NCAM2: variants seen among roughly 807,000 people sequenced by gnomAD.
The protein encoded by NCAM2 is N-CAM-2.
Under a neutral mutation model 98.1 loss-of-function variants are expected in NCAM2, and 30 were observed. That is an observed-to-expected ratio of 0.31 (90% CI 0.23 to 0.41). NCAM2 has a LOEUF of 0.41. NCAM2 is among the 10% of genes least tolerant of loss of function. The pLI is 1.00. For missense variants in NCAM2, 867 were observed against 1,005.8 expected, an observed-to-expected ratio of 0.86 and a Z score of 1.87; for synonymous variants, 368 against 342.4, an observed-to-expected ratio of 1.07 and a Z score of -0.83.
At chr21:21,218,698 A>T (rs1345497194) in intron 1 of NCAM2, among the ~76,000 whole-genome samples, 1 of 152,170 alleles carries the variant, frequency 6.6e-6, no homozygotes, top group Non-Finnish European at 1.5e-5. Flanking sequence ...GCAATAAGTG[A>T]AATCTCTCCT....
At chr21:21,306,604 G>A (rs1415281709) in intron 5 of NCAM2, among the ~76,000 whole-genome samples, 2 of 152,052 alleles carry the variant, frequency 1.3e-5, no homozygotes, top group Non-Finnish European at 2.9e-5. Flanking sequence ...GGGTACATGA[G>A]ATTTTCTGAT....
At chr21:21,477,226 T>G in intron 14 of NCAM2, 65 bp from the exon 15 acceptor site, 1 of 1,271,842 alleles carries the variant, frequency 7.9e-7, no homozygotes, top group Admixed American at 2.5e-5. Context: ...CCAATATAAT[T>G]TTTTTAAAAA....
Position 21,235,546 on chromosome 21 carries a change from G to T in NCAM2, c.56-45032G>T, listed in dbSNP as rs939274983. Among the ~76,000 whole-genome samples, 6 of 151,800 alleles carry T rather than the reference G, an allele frequency of 4.0e-5. No homozygotes were observed. In the East Asian group the frequency reaches 1.2e-3, roughly 29 times the overall value. On this transcript the variant is annotated intron_variant, in intron 1 of 17. Transcript: ENST00000400546. ...ATACCTAAAATTATAAACTGAAAAC[G>T]CTATAGTTCAAGTAGTCAATCTATC...
intron 1 of NCAM2, among the ~76,000 whole-genome samples, chr21:21,061,070 A>G (rs961418869): frequency 3.9e-5 from 6 of 152,134 alleles, no homozygotes; most frequent in African/African-American, 1.4e-4. Context: ...AGGATTGTAT[A>G]AGGTGTGAAA....
intron 1 of NCAM2, among the ~76,000 whole-genome samples, chr21:21,118,697 G>T (rs2066612886): frequency 6.6e-6 from 1 of 151,102 alleles, no homozygotes; most frequent in South Asian, 2.1e-4. Context: ...TTCTGTTTCT[G>T]TCCTATTGCT....
intron 1 of NCAM2, among the ~76,000 whole-genome samples, chr21:21,196,162 A>T (rs2068998034): frequency 6.6e-6 from 1 of 152,158 alleles, no homozygotes; most frequent in African/African-American, 2.4e-5. Context: ...CACTTTAAGA[A>T]AGAATTTGCT....
chr21:21,091,878 TG>T (rs1325519068), intron 1 of NCAM2, among the ~76,000 whole-genome samples: 1 of 152,170 alleles, frequency 6.6e-6, no homozygotes, highest in Non-Finnish European at 1.5e-5. Context: ...TTAAATAAAA[TG>T]CTGTGAAAAT....
At position 21,468,530 on chromosome 21, in the gene NCAM2, G is replaced by A; in HGVS notation, c.1775-132G>A. 3.8e-6 allele frequency: 3 copies of A among 789,552 alleles called. No individual in the cohort carries two copies. In the South Asian group the frequency reaches 1.1e-4, roughly 28 times the overall value. The allele number at this position is 789,552 out of a possible 1,614,324, so 48.9% of individuals were successfully genotyped here. On this transcript the variant is annotated intron_variant, in intron 13 of 17. Coordinates refer to ENST00000400546, the MANE Select transcript of NCAM2 (RefSeq NM_004540.5). Reference sequence around the variant, plus strand: ...AATGTTCAGAAATTATATCACAAAAGGGCAATGTCAAATGGTAAATCCAGG... The same window carrying A: ...AATGTTCAGAAATTATATCACAAAAAGGCAATGTCAAATGGTAAATCCAGG...
chr21:21,330,317 A>G (rs2074637105), intron 6 of NCAM2, among the ~76,000 whole-genome samples: 1 of 152,016 alleles, frequency 6.6e-6, no homozygotes, highest in Non-Finnish European at 1.5e-5. Flanking sequence ...GCACCCTGCT[A>G]ATTTTGATAT....
chr21:21,184,369 G>C (rs1205650722), intron 1 of NCAM2, among the ~76,000 whole-genome samples: 1 of 151,832 alleles, frequency 6.6e-6, no homozygotes, highest in African/African-American at 2.4e-5. Flanking sequence ...AAAGAGTGTT[G>C]AACATTCTCT....
chr21:21,406,896 CT>C lies in NCAM2; in HGVS notation c.1196-3372del, dbSNP rs548071499. ...ATAAAAATGTTTCCATGCCTATTGC[CT>C]TTTTTCTTTCATATATATGTGAAAG... On this transcript the variant is annotated intron_variant, in intron 9 of 17. Coordinates refer to ENST00000400546, the MANE Select transcript of NCAM2 (RefSeq NM_004540.5). Among the ~76,000 whole-genome samples the C allele has an allele frequency of 3.9e-4, 60 of 152,136 alleles. No individual in the cohort carries two copies. The South Asian group carries it at 0.012, about 32-fold the overall frequency.
chr21:21,390,401 C>A (rs550974443), intron 9 of NCAM2, among the ~76,000 whole-genome samples: 1 of 152,126 alleles, frequency 6.6e-6, no homozygotes, highest in South Asian at 2.1e-4. Context: ...ATCGGAGGTA[C>A]AAGCAGTCTT....
intron 8 of NCAM2, among the ~76,000 whole-genome samples, chr21:21,357,766 T>C (rs1439848828): frequency 2.0e-5 from 3 of 152,048 alleles, no homozygotes; most frequent in Non-Finnish European, 4.4e-5. Flanking sequence ...TAGACAATTC[T>C]TAGTGTTTGA....
At chr21:21,363,864 C>A (rs1442432151) in intron 8 of NCAM2, among the ~76,000 whole-genome samples, 2 of 152,012 alleles carry the variant, frequency 1.3e-5, no homozygotes, top group Non-Finnish European at 2.9e-5. Flanking sequence ...ATCAACATTT[C>A]CAACTCTGTT....
chr21:21,459,911 G>A (rs568601051), intron 12 of NCAM2, among the ~76,000 whole-genome samples: 4 of 151,844 alleles, frequency 2.6e-5, no homozygotes, highest in Non-Finnish European at 5.9e-5. Context: ...ATATTAAAAT[G>A]TACTAAGAGG....
At chr21:21,053,021 T>G (rs2146301112) in intron 1 of NCAM2, among the ~76,000 whole-genome samples, 1 of 152,240 alleles carries the variant, frequency 6.6e-6, no homozygotes, top group Admixed American at 6.5e-5. Flanking sequence ...TGTATAAATT[T>G]ATTTTACTTA....
intron 1 of NCAM2, among the ~76,000 whole-genome samples, chr21:21,047,836 T>G (rs1363296531): frequency 6.6e-6 from 1 of 152,178 alleles, no homozygotes; most frequent in Non-Finnish European, 1.5e-5. Flanking sequence ...AAATTCCTCC[T>G]TAAGAGGTCT....
intron 16 of NCAM2, among the ~76,000 whole-genome samples, chr21:21,517,617 G>A (rs1027374574): frequency 1.3e-5 from 2 of 152,122 alleles, no homozygotes; most frequent in Non-Finnish European, 2.9e-5. Context: ...CAGCACTTTG[G>A]GAGGCCGAGG....
intron 1 of NCAM2, among the ~76,000 whole-genome samples, chr21:21,123,838 T>C (rs1236896093): frequency 7.9e-6 from 1 of 126,694 alleles, no homozygotes; most frequent in African/African-American, 3.0e-5. Context: ...TTTGAATTCA[T>C]TCTTGATTGC....
Sources: allele counts gnomAD v4.1 joint callset (sites outside exome capture counted in the v4.1 genomes callset), GRCh38; gene constraint gnomAD v4.1.1; transcripts MANE v1.5; gene names NCBI Gene and HGNC (gene_info 2026-07-23, HGNC 2026-07-21).